The following MARCHF7 variants were observed in gnomAD, a reference collection of about 807,000 sequenced individuals.
MARCHF7 encodes the protein E3 ubiquitin-protein ligase MARCHF7.
A neutral mutation model predicts 76.5 loss-of-function variants in MARCHF7; 20 were observed. The ratio of observed to expected loss-of-function variants is 0.26; its 90% CI spans 0.18 to 0.38. The LOEUF is 0.38. Ranked by LOEUF, MARCHF7 falls within the 10% of genes least tolerant of loss-of-function variation. The pLI is 1.00. For missense variants in MARCHF7, 797 were observed against 812.9 expected (o/e 0.98, Z 0.24); for synonymous variants, 295 against 293.0 (o/e 1.01, Z -0.07).
chr2:159,743,658 C>A (rs976854206), intron 5 of MARCHF7, among the ~76,000 whole-genome samples: 1 of 151,564 alleles, frequency 6.6e-6, no homozygotes, highest in Admixed American at 6.6e-5. Flanking sequence ...TCAGAAAATA[C>A]GGAGGCTAAG....
In MARCHF7 at chr2:159,768,113, A is replaced by G. The variant is rs1707985804; in HGVS notation, c.*771A>G. 1 of 152,556 alleles carries G rather than the reference A, an allele frequency of 6.6e-6. No individual in the cohort carries two copies. Among genetic ancestry groups the G allele is most frequent in the Non-Finnish European group, 1.5e-5 (1 of 67,972 alleles). The allele number at this position is 152,556 out of a possible 1,614,324, so 9.5% of individuals were successfully genotyped here. Reference sequence around the variant, plus strand: ...TATTTGGTTTAAAAAAATTATTGCAATCTCAAGTTAATGGAATATTTTTAA... The same window carrying G: ...TATTTGGTTTAAAAAAATTATTGCAGTCTCAAGTTAATGGAATATTTTTAA... On this transcript the variant is annotated 3_prime_UTR_variant, in exon 12 of 12. Coordinates refer to ENST00000409175, the MANE Select transcript of MARCHF7 (RefSeq NM_001282805.2).
chr2:159,735,386 T>G (rs977633032), intron 4 of MARCHF7, among the ~76,000 whole-genome samples: 4 of 152,224 alleles, frequency 2.6e-5, no homozygotes, highest in African/African-American at 9.7e-5. Context: ...AGTTGTAATT[T>G]CACATACCAT....
At chr2:159,726,061 C>G (rs1451059969) in intron 3 of MARCHF7, among the ~76,000 whole-genome samples, 1 of 152,070 alleles carries the variant, frequency 6.6e-6, no homozygotes, top group African/African-American at 2.4e-5. Context: ...GCCTAAACTC[C>G]TGCGGAGATT....
chr2:159,740,248 C>T (rs1034239327), intron 4 of MARCHF7, among the ~76,000 whole-genome samples: 1 of 151,988 alleles, frequency 6.6e-6, no homozygotes, highest in Non-Finnish European at 1.5e-5. Context: ...CTGATTTATC[C>T]CCCCCTTCAT....
At chr2:159,751,142 G>A (rs1370256698) in intron 7 of MARCHF7, among the ~76,000 whole-genome samples, 1 of 152,214 alleles carries the variant, frequency 6.6e-6, no homozygotes, top group African/African-American at 2.4e-5. Flanking sequence ...TGTCTGCTAA[G>A]GGATGTAGTA....
At position 159,761,612 on chromosome 2, in the gene MARCHF7, G is replaced by A. The variant is rs1264054293; in HGVS notation, c.1894-1268G>A. Among the ~76,000 whole-genome samples, 5 of 146,532 alleles carry A rather than the reference G, an allele frequency of 3.4e-5. No homozygotes were observed. In the East Asian group the frequency reaches 6.3e-4, roughly 19 times the overall value. On this transcript the variant is annotated intron_variant, in intron 9 of 11. Transcript: ENST00000409175. ...TTTTTAGTAGAGATGGGGTTTCACC[G>A]TGTTGGCCAGGCTGTTCTTGAACTC...
rs749415905 is a variant in MARCHF7, at chr2:159,743,167, A to G, written c.260A>G (p.His87Arg). 6.3e-5 allele frequency: 101 copies of G among 1,614,104 alleles called. No homozygotes were observed. The highest frequency in any genetic ancestry group is 2.7e-5 in the African/African-American group (2 of 74,944). ...RSRSQNQQRD[H>R]DSKRPKLSCT... ...AGATCGCAGAACCAGCAACGGGATCATGATTCAAAAAGACCTAAACTTTCC... is the reference window on the plus strand; with the variant it reads ...AGATCGCAGAACCAGCAACGGGATCGTGATTCAAAAAGACCTAAACTTTCC... Residue 87 changes from histidine (H) to arginine (R), a missense_variant, in exon 5 of 12, where the codon CAT becomes CGT. Physicochemically the swap from His to Arg is conservative, Grantham distance 29 (BLOSUM62 0). Transcript: ENST00000409175.
At chr2:159,719,369 C>T (rs920164728) in intron 3 of MARCHF7, among the ~76,000 whole-genome samples, 5 of 152,094 alleles carry the variant, frequency 3.3e-5, no homozygotes, top group Non-Finnish European at 5.9e-5. Flanking sequence ...TCTTGGTGTG[C>T]TTCCTTGACC....
intron 4 of MARCHF7, among the ~76,000 whole-genome samples, chr2:159,731,900 C>A (rs1011084610): frequency 1.3e-5 from 2 of 151,416 alleles, no homozygotes; most frequent in Non-Finnish European, 2.9e-5. Context: ...GTCAGGAGAT[C>A]GAGACCATCC....
chr2:159,719,169 C>T (rs1471619815), intron 3 of MARCHF7, among the ~76,000 whole-genome samples: 3 of 152,004 alleles, frequency 2.0e-5, no homozygotes, highest in South Asian at 2.1e-4. Flanking sequence ...TTAGTAAAGA[C>T]GAGGTTTCAC....
intron 4 of MARCHF7, among the ~76,000 whole-genome samples, chr2:159,731,086 G>C (rs1702734107): frequency 6.6e-6 from 1 of 152,062 alleles, no homozygotes; most frequent in Non-Finnish European, 1.5e-5. Context: ...AAGAGATGGG[G>C]TTTCGCTATG....
At chr2:159,732,334 T>C (rs1401480903) in intron 4 of MARCHF7, among the ~76,000 whole-genome samples, 1 of 152,218 alleles carries the variant, frequency 6.6e-6, no homozygotes, top group African/African-American at 2.4e-5. Context: ...ATTATTTTTA[T>C]AAATTTTAGG....
intron 8 of MARCHF7, among the ~76,000 whole-genome samples, chr2:159,756,655 C>A (rs951625492): frequency 1.5e-5 from 2 of 137,910 alleles, no homozygotes; most frequent in Non-Finnish European, 3.0e-5. Context: ...CCATTGCACT[C>A]CAGCCTGGGT....
At position 159,748,120 on chromosome 2, in the gene MARCHF7, G is replaced by A. The variant is rs759300582; in HGVS notation, c.830G>A (p.Arg277Gln). ...FQESSDNEGR[R>Q]TTRRLLSRIA... ...GAATCTTCTGACAATGAAGGTAGGCGGACAACGAGGAGATTGCTGTCACGC... is the reference window on the plus strand; with the variant it reads ...GAATCTTCTGACAATGAAGGTAGGCAGACAACGAGGAGATTGCTGTCACGC... Residue 277 changes from arginine (R) to glutamine (Q), a missense_variant, in exon 7 of 12, where the codon CGG becomes CAG. Around this residue, in one of 3 missense-constraint regions of MARCHF7, gnomAD observed 643 missense variants for 631.5 expected, o/e 1.02. Transcript: ENST00000409175. 52 of 1,613,662 alleles carry A rather than the reference G, an allele frequency of 3.2e-5. No individual in the cohort carries two copies. Among genetic ancestry groups the A allele is most frequent in the Middle Eastern group, 3.3e-4 (2 of 6,082 alleles).
chr2:159,724,914 GA>G (rs1225566729), intron 3 of MARCHF7, among the ~76,000 whole-genome samples: 1 of 152,142 alleles, frequency 6.6e-6, no homozygotes, highest in Admixed American at 6.5e-5. Flanking sequence ...TCCCACCCAT[GA>G]GTGAGAACAT....
intron 4 of MARCHF7, among the ~76,000 whole-genome samples, chr2:159,742,708 G>A (rs938836013): frequency 1.4e-4 from 21 of 152,146 alleles, no homozygotes; most frequent in African/African-American, 5.1e-4. Flanking sequence ...AGCGGCCGAG[G>A]CAGGCAGATC....
rs918290726 is a variant in MARCHF7 at position 159,767,835 on chromosome 2, A to C, written c.*493A>C. On this transcript the variant is annotated 3_prime_UTR_variant, in exon 12 of 12. Transcript: ENST00000409175. The stretch of plus-strand genomic sequence containing the variant: ...GATAATCATTTGCTTCCAGTGTTTA[A>C]AAATTAAAAAAAGAATGGGGAGAAG... 1 of 152,540 alleles carries C rather than the reference A, an allele frequency of 6.6e-6. No homozygotes were observed. The highest frequency in any genetic ancestry group is 1.9e-4 in the East Asian group (1 of 5,204). The allele number at this position is 152,540 out of a possible 1,614,324, so 9.4% of individuals were successfully genotyped here.
intron 3 of MARCHF7, among the ~76,000 whole-genome samples, chr2:159,716,645 A>G (rs552979502): frequency 1.6e-5 from 1 of 63,654 alleles, no homozygotes; most frequent in South Asian, 6.8e-4. Flanking sequence ...CCTGTCTCCA[A>G]AAAAAAAAAT....
chr2:159,746,881 T>C (rs1182194990), intron 6 of MARCHF7, among the ~76,000 whole-genome samples: 1 of 152,138 alleles, frequency 6.6e-6, no homozygotes, highest in Non-Finnish European at 1.5e-5. Context: ...GAAATCTTTA[T>C]TTATGACAAA....
Sources: allele counts gnomAD v4.1 joint callset (sites outside exome capture counted in the v4.1 genomes callset), GRCh38; gene constraint gnomAD v4.1.1; regional missense constraint gnomAD v4.1.1; transcripts MANE v1.5; gene names NCBI Gene and HGNC (gene_info 2026-07-23, HGNC 2026-07-21).